The following EYA1 variants were observed in gnomAD, a reference collection of about 807,000 sequenced individuals.
EYA1 encodes the protein EYA transcriptional coactivator and phosphatase 1.
EYA1 carries 16 observed loss-of-function variants against 82.0 expected under a neutral mutation model. That is an observed-to-expected ratio of 0.20 (90% CI 0.13 to 0.30). The LOEUF (loss-of-function observed/expected upper bound fraction) is 0.30. EYA1 is among the 10% of genes least tolerant of loss of function. EYA1 has a pLI of 1.00. For synonymous variants in EYA1, 261 were observed against 264.4 expected (o/e 0.99, Z 0.12); for missense variants, 633 against 730.7 (o/e 0.87, Z 1.54).
chr8:71,429,406 T>A (rs1805470167), intron 2 of EYA1, among the ~76,000 whole-genome samples: 1 of 152,148 alleles, frequency 6.6e-6, no homozygotes, highest in South Asian at 2.1e-4. Flanking sequence ...TAAATACACC[T>A]CTAAAATAAA....
intron 2 of EYA1, among the ~76,000 whole-genome samples, chr8:71,486,379 C>T (rs1230771946): frequency 1.3e-5 from 2 of 152,174 alleles, no homozygotes; most frequent in African/African-American, 4.8e-5. Flanking sequence ...TAGGAGAAAG[C>T]ATTCGTTTCC....
At chr8:71,451,707 C>T (rs1807392942) in intron 2 of EYA1, among the ~76,000 whole-genome samples, 3 of 152,142 alleles carry the variant, frequency 2.0e-5, no homozygotes, top group Admixed American at 6.5e-5. Context: ...TCATTAATTA[C>T]CTTTTCTGAT....
chr8:71,472,722 C>T (rs1404031414), intron 2 of EYA1, among the ~76,000 whole-genome samples: 3 of 149,348 alleles, frequency 2.0e-5, no homozygotes, highest in Non-Finnish European at 3.0e-5. Flanking sequence ...CTGACCAAGC[C>T]GCACATTTAA....
At chr8:71,432,441 G>T (rs1305159860) in intron 2 of EYA1, among the ~76,000 whole-genome samples, 1 of 152,132 alleles carries the variant, frequency 6.6e-6, no homozygotes, top group East Asian at 1.9e-4. Flanking sequence ...AGTTAGCCAG[G>T]ACAGCTTAAA....
At chr8:71,408,225 C>A (rs907107850) in intron 2 of EYA1, among the ~76,000 whole-genome samples, 6 of 151,862 alleles carry the variant, frequency 4.0e-5, no homozygotes, top group African/African-American at 1.4e-4. Context: ...GAAGGAAGCG[C>A]TAAACATGGA....
At chr8:71,494,991 G>A (rs1474280968) in intron 2 of EYA1, among the ~76,000 whole-genome samples, 2 of 151,746 alleles carry the variant, frequency 1.3e-5, no homozygotes, top group African/African-American at 2.4e-5. Context: ...GTAGTTTATG[G>A]CCATTTTCTG....
chr8:71,261,229 T>A (rs1031982303), intron 11 of EYA1, among the ~76,000 whole-genome samples: 3 of 152,174 alleles, frequency 2.0e-5, no homozygotes, highest in Non-Finnish European at 4.4e-5. Context: ...CTGTACAACT[T>A]ACGAGACCCA....
intron 4 of EYA1, among the ~76,000 whole-genome samples, chr8:71,333,869 T>C (rs1824174964): frequency 6.6e-6 from 1 of 152,184 alleles, no homozygotes; most frequent in Non-Finnish European, 1.5e-5. Flanking sequence ...TTATACCCCA[T>C]TTATTGGATA....
At chr8:71,466,071 AT>A (rs1808750200) in intron 2 of EYA1, among the ~76,000 whole-genome samples, 1 of 152,190 alleles carries the variant, frequency 6.6e-6, no homozygotes, top group Non-Finnish European at 1.5e-5. Context: ...CAGGAAAATA[AT>A]TTTGTTGTTT....
At chr8:71,216,915 T>C (rs1356657899) in intron 13 of EYA1, 50 bp downstream of exon 13, 15 of 1,610,666 alleles carry the variant, frequency 9.3e-6, no homozygotes, top group Non-Finnish European at 1.2e-5. Context: ...ATTAGGTAAG[T>C]AATTAAACTA....
chr8:71,518,667 A>G (rs1813166367), intron 2 of EYA1, among the ~76,000 whole-genome samples: 1 of 152,208 alleles, frequency 6.6e-6, no homozygotes, highest in Non-Finnish European at 1.5e-5. Flanking sequence ...AGTATGAATC[A>G]ACCCAATGCA....
chr8:71,261,175 T>A (rs866150110), intron 11 of EYA1, among the ~76,000 whole-genome samples: 18 of 151,590 alleles, frequency 1.2e-4, no homozygotes, highest in Admixed American at 8.5e-4. Context: ...AAATAAAAAA[T>A]AAAAAACACA....
chr8:71,524,865 T>C lies in EYA1; in HGVS notation c.33+10879A>G, dbSNP rs537751925. Among the ~76,000 whole-genome samples, 6 of 152,340 alleles carry C rather than the reference T, an allele frequency of 3.9e-5. No individual in the cohort carries two copies. In the South Asian group the frequency reaches 1.2e-3, roughly 32 times the overall value. On this transcript the variant is annotated intron_variant, in intron 2 of 18. Coordinates refer to the EYA1 transcript ENST00000643681. ...TAATTTAAAAAAGGTTTCTTTTCCCTTTTTACTTATAGAAAGAAGGAATAA... is the reference window on the plus strand; with the variant it reads ...TAATTTAAAAAAGGTTTCTTTTCCCCTTTTACTTATAGAAAGAAGGAATAA...
At chr8:71,535,843 C>CA (rs939857518) in exon 2 of EYA1, 55 of 1,032,176 alleles carry the variant, frequency 5.3e-5, no homozygotes, top group Admixed American at 8.6e-5. Flanking sequence ...TCCAACACCC[C>CA]TGCACCTGTG....
chr8:71,491,029 G>GAA (rs552751370), intron 2 of EYA1, among the ~76,000 whole-genome samples: 1 of 147,406 alleles, frequency 6.8e-6, no homozygotes, highest in Non-Finnish European at 1.5e-5. Flanking sequence ...ATGATTGGAT[G>GAA]AAAAAAAAAA....
chr8:71,330,395 T>C (rs975519195), intron 4 of EYA1, among the ~76,000 whole-genome samples: 1 of 152,184 alleles, frequency 6.6e-6, no homozygotes, highest in Admixed American at 6.5e-5. Context: ...ATCCCCCTAC[T>C]TACCCATACC....
chr8:71,271,163 A>C (rs1225153133), intron 10 of EYA1, among the ~76,000 whole-genome samples: 1 of 152,182 alleles, frequency 6.6e-6, no homozygotes, highest in Non-Finnish European at 1.5e-5. Context: ...ATTTTTGTGG[A>C]TACTAGGTGT....
chr8:71,256,612 T>C (rs1388415841), intron 11 of EYA1, among the ~76,000 whole-genome samples: 4 of 152,220 alleles, frequency 2.6e-5, no homozygotes, highest in Non-Finnish European at 4.4e-5. Flanking sequence ...TTCTGGAGAT[T>C]GGTTTTACAA....
intron 2 of EYA1, among the ~76,000 whole-genome samples, chr8:71,520,373 G>GCC (rs1813305454): frequency 6.6e-6 from 1 of 152,096 alleles, no homozygotes; most frequent in African/African-American, 2.4e-5. Context: ...AACAAACAGG[G>GCC]CCCCTCAAGC....
Sources: allele counts gnomAD v4.1 joint callset (sites outside exome capture counted in the v4.1 genomes callset), GRCh38; gene constraint gnomAD v4.1.1; transcripts MANE v1.5; gene names NCBI Gene and HGNC (gene_info 2026-07-23, HGNC 2026-07-21).